Variants in AKAP13 observed in about 807,000 individuals in gnomAD.
AKAP13 encodes A-kinase anchoring protein 13.
AKAP13 carries 80 observed loss-of-function variants against 264.5 expected under a neutral mutation model. The ratio of observed to expected loss-of-function variants is 0.30; its 90% CI spans 0.25 to 0.36. AKAP13 has a LOEUF of 0.36. Among genes scored for constraint, AKAP13 ranks in the 10% least tolerant of loss-of-function variants. AKAP13 has a pLI of 1.00. For missense variants in AKAP13, 3,712 were observed against 3,435.2 expected (o/e 1.08, Z -2.01); for synonymous variants, 1,380 against 1,250.2 (o/e 1.10, Z -2.19).
intron 13 of AKAP13, 138 bp downstream of exon 13, chr15:85,664,893 C>A: frequency 1.2e-6 from 1 of 812,170 alleles, no homozygotes; most frequent in Non-Finnish European, 1.8e-6. Flanking sequence ...AGCACTAAAC[C>A]AAGTGTTTAG....
At chr15:85,639,845 C>T (rs1440654415) in intron 9 of AKAP13, among the ~76,000 whole-genome samples, 2 of 152,148 alleles carry the variant, frequency 1.3e-5, no homozygotes, top group African/African-American at 2.4e-5. Flanking sequence ...GTCCTACCTC[C>T]AGATATTCTG....
At chr15:85,416,438 A>G (rs949672653) in intron 1 of AKAP13, among the ~76,000 whole-genome samples, 10 of 152,220 alleles carry the variant, frequency 6.6e-5, no homozygotes, top group African/African-American at 2.4e-4. Flanking sequence ...GCCACTTTAG[A>G]AATGATCAGT....
intron 8 of AKAP13, among the ~76,000 whole-genome samples, chr15:85,628,455 T>C (rs1228824167): frequency 6.6e-6 from 1 of 152,214 alleles, no homozygotes; most frequent in East Asian, 1.9e-4. Flanking sequence ...GAAATGTTAC[T>C]GTTCTTCAGT....
intron 19 of AKAP13, among the ~76,000 whole-genome samples, chr15:85,711,521 C>G (rs1334614840): frequency 2.0e-5 from 3 of 151,932 alleles, no homozygotes; most frequent in African/African-American, 7.3e-5. Flanking sequence ...TTTTTTCACT[C>G]AATATTGTTT....
At chr15:85,538,838 A>ATT (rs148443065) in intron 4 of AKAP13, among the ~76,000 whole-genome samples, 12 of 123,292 alleles carry the variant, frequency 9.7e-5, no homozygotes, top group Non-Finnish European at 1.4e-4. Flanking sequence ...GTGTTTGTGT[A>ATT]TTTTTTTTTT....
At chr15:85,471,327 C>T (rs939180170) in intron 1 of AKAP13, among the ~76,000 whole-genome samples, 1 of 152,080 alleles carries the variant, frequency 6.6e-6, no homozygotes, top group African/African-American at 2.4e-5. Flanking sequence ...AACCCTGTCT[C>T]TACTAAAAAT....
chr15:85,582,217 C>G (rs760074962), intron 7 of AKAP13, 110 bp downstream of exon 7: 1 of 1,235,656 alleles, frequency 8.1e-7, no homozygotes, highest in Admixed American at 2.9e-5. Flanking sequence ...AGGCCTTGCA[C>G]TCATTGGGTA....
rs536821009 is a variant in AKAP13 at position 85,698,459 on chromosome 15, T to C, written c.5464+5008T>C. 8.7e-5 allele frequency among the ~76,000 whole-genome samples: 7 copies of C among 80,336 alleles called. No individual in the cohort carries two copies. The South Asian group carries it at 3.3e-3, about 37-fold the overall frequency. 52.7% of individuals were successfully genotyped at this position (80,336 alleles called of 152,430 possible). On this transcript the variant is annotated intron_variant, in intron 17 of 36. Coordinates refer to ENST00000394518, the MANE Select transcript of AKAP13 (RefSeq NM_007200.5). ...CAGTCTGGGTGACAGAGCAAGACTC[T>C]GTCTCCAAAAAAAAAAAAAAAAAGG...
At chr15:85,575,395 C>A (rs143241148) in intron 6 of AKAP13, 66 bp downstream of exon 6, 11 of 1,443,910 alleles carry the variant, frequency 7.6e-6, no homozygotes, top group African/African-American at 1.4e-5. Context: ...ATGTGTGTGT[C>A]CCCGCCCTCC....
At chr15:85,582,911 C>T (rs988880251) in intron 7 of AKAP13, 8 of 985,464 alleles carry the variant, frequency 8.1e-6, no homozygotes, top group Non-Finnish European at 9.6e-6. Context: ...GCAGATTGCT[C>T]ACACAGCAGC....
Position 85,556,920 on chromosome 15 carries a change from G to A in AKAP13, c.662+12965G>A, listed in dbSNP as rs565690418. Among the ~76,000 whole-genome samples, 6 of 152,280 alleles carry A rather than the reference G, an allele frequency of 3.9e-5. No individual in the cohort carries two copies. In the South Asian group the frequency reaches 8.3e-4, roughly 21 times the overall value. ...TCCTTAAGTGAAGATTTGGATTTGC[G>A]TTTTAGAATACATACAGAGTAAATA... On this transcript the variant is annotated intron_variant, in intron 5 of 36. Coordinates refer to ENST00000394518, the MANE Select transcript of AKAP13 (RefSeq NM_007200.5).
At chr15:85,719,022 G>T in intron 22 of AKAP13, 54 bp from the exon 23 acceptor site, 1 of 1,597,146 alleles carries the variant, frequency 6.3e-7, no homozygotes. Context: ...GATCTTTGAG[G>T]GCGAATGCTT....
At chr15:85,406,578 A>T (rs918655785) in intron 1 of AKAP13, among the ~76,000 whole-genome samples, 2 of 139,150 alleles carry the variant, frequency 1.4e-5, no homozygotes, top group African/African-American at 2.7e-5. Context: ...GTGTAGATCA[A>T]TTATGGTATA....
At chr15:85,638,546 A>G (rs1402561552) in intron 8 of AKAP13, among the ~76,000 whole-genome samples, 1 of 152,160 alleles carries the variant, frequency 6.6e-6, no homozygotes, top group African/African-American at 2.4e-5. Flanking sequence ...GTGTTTATCA[A>G]TTAAGAGAGG....
Position 85,655,402 on chromosome 15 carries a change from T to A in AKAP13, c.4375-15T>A. ...CCTGCTGGCTTCAACCATATGTGCT[T>A]TCTCTCCATTACAGCCAGAGGAAGA... On this transcript the variant is annotated splice_polypyrimidine_tract_variant and intron_variant, in intron 10 of 36. Coordinates refer to ENST00000394518, the MANE Select transcript of AKAP13 (RefSeq NM_007200.5). 1.2e-6 allele frequency: 2 copies of A among 1,607,412 alleles called. No individual in the cohort carries two copies. Among genetic ancestry groups the A allele is most frequent in the Non-Finnish European group, 1.7e-6 (2 of 1,175,422 alleles).
rs77051286 is a variant in AKAP13, at chr15:85,712,378, C to T, written c.5599+1733C>T. ...TACCCACTTTTAGTCTGTGATCTTACCCATTCCACATACTTTTTATGTCTA... is the reference window on the plus strand; with the variant it reads ...TACCCACTTTTAGTCTGTGATCTTATCCATTCCACATACTTTTTATGTCTA... On this transcript the variant is annotated intron_variant, in intron 19 of 36. Transcript: ENST00000394518. Among the ~76,000 whole-genome samples the T allele has an allele frequency of 1.7e-3, 264 of 152,256 alleles. 2 individuals carry two copies. The highest frequency in any genetic ancestry group is 6.1e-3 in the African/African-American group (253 of 41,564).
At chr15:85,447,395 T>G (rs1035632048) in intron 1 of AKAP13, among the ~76,000 whole-genome samples, 2 of 152,158 alleles carry the variant, frequency 1.3e-5, no homozygotes, top group Non-Finnish European at 2.9e-5. Flanking sequence ...ATTTTAGGTT[T>G]GGGGATACAT....
At chr15:85,576,842 T>C (rs972658210) in intron 6 of AKAP13, among the ~76,000 whole-genome samples, 11 of 152,224 alleles carry the variant, frequency 7.2e-5, no homozygotes, top group African/African-American at 1.9e-4. Context: ...CTTGAAAATA[T>C]AGTTTTGCAG....
Position 85,704,042 on chromosome 15 carries a change from A to G in AKAP13, c.5465-3977A>G, listed in dbSNP as rs376531403. On this transcript the variant is annotated intron_variant, in intron 17 of 36. Transcript: ENST00000394518. ...TTTTCTTGGTTAGAGTTGAAATGAT[A>G]GGAGAAAGTTGTGCATTTCTATCCT... Among the ~76,000 whole-genome samples, 49 of 152,270 alleles carry G rather than the reference A, an allele frequency of 3.2e-4. 1 individual carries two copies. The East Asian group carries it at 3.9e-3, about 12-fold the overall frequency.
Sources: allele counts gnomAD v4.1 joint callset (sites outside exome capture counted in the v4.1 genomes callset), GRCh38; gene constraint gnomAD v4.1.1; transcripts MANE v1.5; gene names NCBI Gene and HGNC (gene_info 2026-07-23, HGNC 2026-07-21).